HEBP1: variants seen among roughly 807,000 people sequenced by gnomAD.
HEBP1 encodes heme binding protein 1.
HEBP1 carries 13 observed loss-of-function variants against 20.4 expected under a neutral mutation model. The ratio of observed to expected loss-of-function variants is 0.64; its 90% CI spans 0.42 to 1.01. The LOEUF (loss-of-function observed/expected upper bound fraction) is 1.01. Ranked by LOEUF, HEBP1 falls within the 50% of genes least tolerant of loss-of-function variation. The pLI, the probability that HEBP1 is intolerant of heterozygous loss-of-function variation, is 0.00. For missense variants in HEBP1, 241 were observed against 247.3 expected, an observed-to-expected ratio of 0.97 and a Z score of 0.17; for synonymous variants, 92 against 90.7, an observed-to-expected ratio of 1.01 and a Z score of -0.08.
Position 12,996,186 on chromosome 12 carries a change from T to C in HEBP1, c.78+3851A>G, listed in dbSNP as rs1203965208. On this transcript the variant is annotated intron_variant, in intron 1 of 3. Transcript: ENST00000014930. The surrounding 1 kb of genome is among the most constrained non-coding windows in gnomAD (Gnocchi z 4.1). ...CCCTGTGAAGAAGTTAGGGCTTTAA[T>C]CTTCATTTTCAGATGAAACTGGGGA... Among the ~76,000 whole-genome samples the C allele has an allele frequency of 1.7e-4, 26 of 152,230 alleles. No individual in the cohort carries two copies. The highest frequency in any genetic ancestry group is 1.7e-3 in the Admixed American group (26 of 15,286).
At chr12:12,993,276 G>A (rs775619971) in intron 1 of HEBP1, among the ~76,000 whole-genome samples, 1 of 151,726 alleles carries the variant, frequency 6.6e-6, no homozygotes, top group Non-Finnish European at 1.5e-5. Flanking sequence ...CTGGGCTCAC[G>A]TGATCCTCCC....
At chr12:12,995,103 C>A (rs1272919824) in intron 1 of HEBP1, among the ~76,000 whole-genome samples, 2 of 152,168 alleles carry the variant, frequency 1.3e-5, no homozygotes, top group Admixed American at 6.5e-5. Flanking sequence ...GTCTGCTGCT[C>A]CCTCTCCCTG....
intron 2 of HEBP1, among the ~76,000 whole-genome samples, chr12:12,988,367 T>C (rs1864178621): frequency 6.6e-6 from 1 of 152,214 alleles, no homozygotes; most frequent in Admixed American, 6.5e-5. Context: ...CTTCCTGACC[T>C]CCTACAGGTT....
At chr12:12,989,552 A>T (rs1183481636) in intron 1 of HEBP1, 137 bp from the exon 2 acceptor site, 3 of 669,974 alleles carry the variant, frequency 4.5e-6, no homozygotes, top group Non-Finnish European at 7.6e-6. Flanking sequence ...CTGAGTATGA[A>T]GGGCCATGAG....
chr12:12,975,369 C>G lies in HEBP1; in HGVS notation c.509G>C (p.Gly170Ala). The change falls in exon 4 of 4, where the codon GGT becomes GCT. Residue 170 changes from glycine to alanine, a missense_variant. By Grantham distance (60) the Gly-to-Ala change is moderately conservative. Transcript: ENST00000014930. ...GTAGGGCTTCATGGGAGGGTCATAA[C>G]CCGTGCAGAAGTAGATGTCCCCCCG... is the stretch of plus-strand genomic sequence containing the variant. Reference protein sequence around the residue: ...TYRGDIYFCTGYDPPMKPYGR... With the variant: ...TYRGDIYFCTAYDPPMKPYGR... 1 of 1,614,080 alleles carries G rather than the reference C, an allele frequency of 6.2e-7. No individual in the cohort carries two copies. Among genetic ancestry groups the G allele is most frequent in the Non-Finnish European group, 8.5e-7 (1 of 1,180,006 alleles).
intron 1 of HEBP1, among the ~76,000 whole-genome samples, chr12:12,993,863 C>T (rs1864260171): frequency 6.6e-6 from 1 of 152,140 alleles, no homozygotes; most frequent in African/African-American, 2.4e-5. Flanking sequence ...GCAAGGAGTG[C>T]CAGGGCAGTA....
chr12:12,989,542 C>CCTG, intron 1 of HEBP1, 127 bp from the exon 2 acceptor site: 2 of 770,494 alleles, frequency 2.6e-6, no homozygotes, highest in South Asian at 1.8e-5. Context: ...AGGGACAGGC[C>CCTG]TGAGTATGAA....
chr12:12,985,087 G>T (rs1423820072), intron 3 of HEBP1, among the ~76,000 whole-genome samples: 1 of 151,666 alleles, frequency 6.6e-6, no homozygotes, highest in African/African-American at 2.4e-5. Flanking sequence ...AGCAGAGGTT[G>T]CAGTGAGCCA....
chr12:12,980,578 C>T (rs1864066812), intron 3 of HEBP1: 1 of 152,258 alleles, frequency 6.6e-6, no homozygotes. Context: ...AGTATGACAA[C>T]CTTCTGTCCT....
chr12:12,978,199 GTTTTTTTT>G (rs76634642), intron 3 of HEBP1, among the ~76,000 whole-genome samples: 1 of 75,056 alleles, frequency 1.3e-5, no homozygotes, highest in African/African-American at 5.5e-5. Flanking sequence ...CTACGAAAGG[GTTTTTTTT>G]TTTTTTTTTT....
chr12:12,993,341 A>T (rs904313321), intron 1 of HEBP1, among the ~76,000 whole-genome samples: 7 of 151,524 alleles, frequency 4.6e-5, no homozygotes, highest in African/African-American at 1.5e-4. Context: ...TGCCCAGCTA[A>T]TTTTTTTTGT....
chr12:12,979,831 A>G (rs1864051995), intron 3 of HEBP1: 1 of 152,218 alleles, frequency 6.6e-6, no homozygotes. Context: ...GGAACTGAGG[A>G]ATCTCAAACA....
intron 1 of HEBP1, among the ~76,000 whole-genome samples, chr12:12,995,853 C>T (rs1398192564): frequency 2.0e-5 from 3 of 152,196 alleles, no homozygotes; most frequent in East Asian, 1.9e-4. Flanking sequence ...CAATCAGTTC[C>T]TAGATGGAGA....
chr12:12,977,464 A>G (rs1185297782), intron 3 of HEBP1: 1 of 152,240 alleles, frequency 6.6e-6, no homozygotes, highest in African/African-American at 2.4e-5. Flanking sequence ...GGTCCCAGCT[A>G]CTTGGGAGGC....
At chr12:12,983,870 T>A in intron 3 of HEBP1, 2 of 439,940 alleles carry the variant, frequency 4.5e-6, no homozygotes, top group Non-Finnish European at 9.1e-6. Context: ...CAAGAAATGC[T>A]AAGATGTGCT....
At position 12,987,110 on chromosome 12, in the gene HEBP1, A is replaced by C. The variant is rs144250812; in HGVS notation, c.398+42T>G. 3.9e-4 allele frequency: 601 copies of C among 1,551,506 alleles called. 5 individuals are homozygous for C. In the African/African-American group the frequency reaches 7.1e-3, roughly 18 times the overall value. ...AGGTGATGCAAGGAGTGGTACGGGA[A>C]TCAAGCGCCACCCATGGATGCCTGA... On this transcript the variant is annotated intron_variant, in intron 3 of 3. Coordinates refer to ENST00000014930, the MANE Select transcript of HEBP1 (RefSeq NM_015987.5).
chr12:12,996,447 G>A lies in HEBP1; in HGVS notation c.78+3590C>T, dbSNP rs977721206. On this transcript the variant is annotated intron_variant, in intron 1 of 3. Transcript: ENST00000014930. This position sits in a 1 kb window ranked among gnomAD's most constrained non-coding sequence, Gnocchi z 4.1. ...TAAGAAGGCACCTGATAAGGTCTGC[G>A]GCAGCACTGGCCTCCCTGCCAAGTA... Among the ~76,000 whole-genome samples the A allele has an allele frequency of 1.3e-5, 2 of 152,142 alleles. No homozygotes were observed. Among genetic ancestry groups the A allele is most frequent in the African/African-American group, 2.4e-5 (1 of 41,420 alleles).
At chr12:12,981,000 T>C (rs1864074581) in intron 3 of HEBP1, among the ~76,000 whole-genome samples, 1 of 152,098 alleles carries the variant, frequency 6.6e-6, no homozygotes. Context: ...CTTAGGCAGG[T>C]GGTGATAAAA....
Position 12,998,342 on chromosome 12 carries a change from G to A in HEBP1, c.78+1695C>T, listed in dbSNP as rs1219772749. 2.0e-5 allele frequency among the ~76,000 whole-genome samples: 3 copies of A among 152,080 alleles called. No individual in the cohort carries two copies. Among genetic ancestry groups the A allele is most frequent in the Admixed American group, 6.6e-5 (1 of 15,266 alleles). On this transcript the variant is annotated intron_variant, in intron 1 of 3. Coordinates refer to ENST00000014930, the MANE Select transcript of HEBP1 (RefSeq NM_015987.5). This position sits in a 1 kb window ranked among gnomAD's most constrained non-coding sequence, Gnocchi z 4.2. ...AATTATTTTTAAATTGGGTGATTTC[G>A]CTAAGAATCTGGATGTATGGTTTTC...
Sources: gnomAD v4.1 joint callset for allele counts (sites outside exome capture counted in the v4.1 genomes callset) on GRCh38, gnomAD v4.1.1 for gene constraint, Gnocchi (gnomAD v3.1) non-coding constraint, MANE v1.5 for transcripts, NCBI Gene and HGNC (gene_info 2026-07-23, HGNC 2026-07-21) for gene names.